Variants in NKAIN2 observed in about 807,000 individuals in gnomAD.
NKAIN2 encodes the protein sodium/potassium transporting ATPase interacting 2.
NKAIN2 carries 14 observed loss-of-function variants against 32.6 expected under a neutral mutation model. The observed-to-expected ratio is 0.43, with a 90% confidence interval of 0.28 to 0.67. The LOEUF (loss-of-function observed/expected upper bound fraction) is 0.67. Among genes scored for constraint, NKAIN2 ranks in the 30% least tolerant of loss-of-function variants. The pLI is 0.17. For synonymous variants in NKAIN2, 80 were observed against 87.2 expected (o/e 0.92, Z 0.46); for missense variants, 198 against 258.3 (o/e 0.77, Z 1.60).
intron 3 of NKAIN2, among the ~76,000 whole-genome samples, chr6:124,622,557 G>A (rs1783146776): frequency 6.6e-6 from 1 of 152,196 alleles, no homozygotes; most frequent in Non-Finnish European, 1.5e-5. Context: ...AAGGGCAGAG[G>A]GCCAGTGTGA....
At chr6:123,991,808 G>A (rs1181956423) in intron 1 of NKAIN2, among the ~76,000 whole-genome samples, 3 of 152,140 alleles carry the variant, frequency 2.0e-5, no homozygotes, top group Admixed American at 2.0e-4. Flanking sequence ...CTTGCAGTGA[G>A]CTGAGATCGC....
intron 3 of NKAIN2, among the ~76,000 whole-genome samples, chr6:124,493,632 C>T (rs1360582260): frequency 6.7e-6 from 1 of 149,776 alleles, no homozygotes; most frequent in African/African-American, 2.5e-5. Flanking sequence ...CATACAGGAG[C>T]CATTATTTTA....
intron 3 of NKAIN2, among the ~76,000 whole-genome samples, chr6:124,440,031 G>A (rs1419880664): frequency 6.6e-6 from 1 of 152,044 alleles, no homozygotes; most frequent in East Asian, 1.9e-4. Flanking sequence ...AAGGACTCAG[G>A]CTGGGATGGC....
chr6:124,691,332 C>A (rs77467036), intron 4 of NKAIN2, among the ~76,000 whole-genome samples: 2,151 of 152,284 alleles, frequency 0.014, 45 homozygotes, highest in African/African-American at 0.047. Flanking sequence ...AACCTCACTA[C>A]TCTCAGTCTA....
At chr6:124,566,287 G>A (rs1218465068) in intron 3 of NKAIN2, among the ~76,000 whole-genome samples, 1 of 152,166 alleles carries the variant, frequency 6.6e-6, no homozygotes, top group African/African-American at 2.4e-5. Context: ...TACTTCCTGG[G>A]AGAGAAGTCA....
intron 2 of NKAIN2, among the ~76,000 whole-genome samples, chr6:124,337,916 C>G (rs1797948607): frequency 6.6e-6 from 1 of 152,168 alleles, no homozygotes; most frequent in Non-Finnish European, 1.5e-5. Context: ...TTGGGTTAGT[C>G]ACTTTCAGCT....
rs1375610615 is a variant in NKAIN2, at chr6:123,838,610, A to G, written c.54+34356A>G. Among the ~76,000 whole-genome samples the G allele has an allele frequency of 4.6e-5, 7 of 152,262 alleles. No individual in the cohort carries two copies. The East Asian group carries it at 1.4e-3, about 29-fold the overall frequency. On this transcript the variant is annotated intron_variant, in intron 1 of 6. Coordinates refer to ENST00000368417, the MANE Select transcript of NKAIN2 (RefSeq NM_001040214.3). ...ATACCTAATATATTGATTTTGTTTC[A>G]CATAAGGAATCAAAATAAATGTGCT...
chr6:123,995,170 A>G (rs1779564273), intron 1 of NKAIN2, among the ~76,000 whole-genome samples: 1 of 152,206 alleles, frequency 6.6e-6, no homozygotes, highest in Non-Finnish European at 1.5e-5. Flanking sequence ...TCAGGACATT[A>G]CAATATACTG....
intron 3 of NKAIN2, among the ~76,000 whole-genome samples, chr6:124,421,074 TAAA>T (rs35625714): frequency 0.052 from 6,958 of 133,728 alleles, 536 homozygotes; most frequent in African/African-American, 0.17. Flanking sequence ...CTGTCAAAAT[TAAA>T]AAAAAAAAAA....
intron 3 of NKAIN2, among the ~76,000 whole-genome samples, chr6:124,432,900 A>G (rs1005083519): frequency 1.3e-5 from 2 of 152,090 alleles, no homozygotes; most frequent in African/African-American, 4.8e-5. Flanking sequence ...CAAGCACACT[A>G]TAGGAACCAT....
At chr6:124,050,509 C>G (rs550963822) in intron 1 of NKAIN2, among the ~76,000 whole-genome samples, 3 of 152,090 alleles carry the variant, frequency 2.0e-5, no homozygotes, top group African/African-American at 7.2e-5. Flanking sequence ...CAGAAGCTCC[C>G]TTCAGCCTGG....
In NKAIN2 at chr6:124,398,252, C is replaced by CAAAAAAAAAAAAAA. The variant is rs869039720; in HGVS notation, c.273+42922_273+42935dup. ...TGGGTGACAGAGAGAGACTGCATCT[C>CAAAAAAAAAAAAAA]AAAAAAAAAAAAAAAAAAAAAAAAA... On this transcript the variant is annotated intron_variant, in intron 3 of 6. Transcript: ENST00000368417. Among the ~76,000 whole-genome samples, 62 of 69,060 alleles carry CAAAAAAAAAAAAAA rather than the reference C, an allele frequency of 9.0e-4. 2 individuals are homozygous for CAAAAAAAAAAAAAA. Among genetic ancestry groups the CAAAAAAAAAAAAAA allele is most frequent in the African/African-American group, 3.0e-3 (39 of 12,914 alleles). 45.3% of individuals were successfully genotyped at this position (69,060 alleles called of 152,430 possible).
chr6:124,006,513 G>A (rs991442932), intron 1 of NKAIN2, among the ~76,000 whole-genome samples: 7 of 152,186 alleles, frequency 4.6e-5, no homozygotes, highest in African/African-American at 1.7e-4. Flanking sequence ...ATGTTTCAGG[G>A]TATTACTGCC....
intron 1 of NKAIN2, among the ~76,000 whole-genome samples, chr6:124,270,261 A>G (rs1794696224): frequency 6.6e-6 from 1 of 152,214 alleles, no homozygotes; most frequent in African/African-American, 2.4e-5. Flanking sequence ...GGGCAGAACT[A>G]TTGGAGGGCC....
chr6:123,812,460 A>G lies in NKAIN2; in HGVS notation c.54+8206A>G, dbSNP rs1042821133. ...CAGATGCTTGGCTATTTTATATTATATATGTTCACTTGAGTTTCTTGAAAT... is the reference window on the plus strand; with the variant it reads ...CAGATGCTTGGCTATTTTATATTATGTATGTTCACTTGAGTTTCTTGAAAT... On this transcript the variant is annotated intron_variant, in intron 1 of 6. Coordinates refer to ENST00000368417, the MANE Select transcript of NKAIN2 (RefSeq NM_001040214.3). Among the ~76,000 whole-genome samples the G allele has an allele frequency of 7.2e-5, 11 of 152,346 alleles. No individual in the cohort carries two copies. The East Asian group carries it at 9.6e-4, about 13-fold the overall frequency.
chr6:124,357,015 A>T (rs1211605793), intron 3 of NKAIN2, among the ~76,000 whole-genome samples: 5 of 152,250 alleles, frequency 3.3e-5, no homozygotes, highest in Non-Finnish European at 2.9e-5. Flanking sequence ...CCCCATGATG[A>T]CTGCAGGCAC....
intron 4 of NKAIN2, among the ~76,000 whole-genome samples, chr6:124,679,890 G>A (rs1181109553): frequency 6.6e-6 from 1 of 152,094 alleles, no homozygotes; most frequent in African/African-American, 2.4e-5. Flanking sequence ...ATGAGAGCTG[G>A]GCTATTCAAA....
intron 3 of NKAIN2, among the ~76,000 whole-genome samples, chr6:124,403,775 G>A (rs1351567328): frequency 6.6e-6 from 1 of 152,078 alleles, no homozygotes; most frequent in Non-Finnish European, 1.5e-5. Flanking sequence ...CTTGCCTTTA[G>A]TTTACTAATT....
At chr6:124,726,134 G>T (rs920427847) in intron 4 of NKAIN2, among the ~76,000 whole-genome samples, 16 of 152,218 alleles carry the variant, frequency 1.1e-4, no homozygotes, top group African/African-American at 3.9e-4. Flanking sequence ...CTGGGGGAGG[G>T]GCGCCCACCA....
Sources: allele counts gnomAD v4.1 joint callset (sites outside exome capture counted in the v4.1 genomes callset), GRCh38; gene constraint gnomAD v4.1.1; transcripts MANE v1.5; gene names NCBI Gene and HGNC (gene_info 2026-07-23, HGNC 2026-07-21).